The following RIMS3 variants were observed in gnomAD, a reference collection of about 807,000 sequenced individuals.
The protein encoded by RIMS3 is regulating synaptic membrane exocytosis 3, also known as regulating synaptic membrane exocytosis protein 3.
RIMS3 carries 15 observed loss-of-function variants against 29.2 expected under a neutral mutation model. That is an observed-to-expected ratio of 0.51 (90% CI 0.34 to 0.79). The LOEUF is 0.79. Ranked by LOEUF, RIMS3 falls within the 30% of genes least tolerant of loss-of-function variation. RIMS3 has a pLI of 0.01. For missense variants in RIMS3, 342 were observed against 421.4 expected, an observed-to-expected ratio of 0.81 and a Z score of 1.65; for synonymous variants, 161 against 170.1, an observed-to-expected ratio of 0.95 and a Z score of 0.41.
At chr1:40,673,915 T>C in the RIMS3 span, among the ~76,000 whole-genome samples, 1 of 151,716 alleles carries the variant, frequency 6.6e-6, no homozygotes, top group African/African-American at 2.4e-5. Flanking sequence ...TTGTAAAGAT[T>C]AAATGAGAAA....
the RIMS3 span, among the ~76,000 whole-genome samples, chr1:40,679,254 A>G: frequency 6.6e-6 from 1 of 152,354 alleles, no homozygotes; most frequent in East Asian, 1.9e-4. Flanking sequence ...AGCCTCCAGC[A>G]GAAGCAGAGA....
chr1:40,660,378 CTTTTT>C (rs535968581), intron 1 of RIMS3, among the ~76,000 whole-genome samples: 2 of 135,188 alleles, frequency 1.5e-5, no homozygotes, highest in Admixed American at 7.5e-5. Context: ...GTTGGGGCTT[CTTTTT>C]TTTTTTTTTT....
At chr1:40,672,422 TCTC>T in the RIMS3 span, among the ~76,000 whole-genome samples, 1 of 151,794 alleles carries the variant, frequency 6.6e-6, no homozygotes, top group Non-Finnish European at 1.5e-5. Flanking sequence ...ATGGTCTCGA[TCTC>T]CTGACCTCGT....
At chr1:40,683,828 C>T in the RIMS3 span, among the ~76,000 whole-genome samples, 5 of 152,360 alleles carry the variant, frequency 3.3e-5, no homozygotes, top group South Asian at 8.3e-4. Flanking sequence ...GTTCTGTCCT[C>T]TGACCTCTTT....
the RIMS3 span, among the ~76,000 whole-genome samples, chr1:40,674,467 T>C: frequency 1.3e-5 from 2 of 152,186 alleles, no homozygotes; most frequent in Non-Finnish European, 2.9e-5. Flanking sequence ...ATTTAATATA[T>C]TAGCTGCTGT....
intron 1 of RIMS3, among the ~76,000 whole-genome samples, chr1:40,652,771 G>A (rs534696452): frequency 1.3e-5 from 2 of 152,348 alleles, no homozygotes; most frequent in East Asian, 3.9e-4. Context: ...TAGATGTAAT[G>A]CTTTACAGAG....
At chr1:40,637,569 G>A (rs34195255) in intron 3 of RIMS3, among the ~76,000 whole-genome samples, 1 of 152,040 alleles carries the variant, frequency 6.6e-6, no homozygotes. Context: ...AGACATGCAC[G>A]AGCAGCAGCA....
intron 2 of RIMS3, among the ~76,000 whole-genome samples, chr1:40,645,167 G>A (rs1646586397): frequency 1.3e-5 from 2 of 152,186 alleles, no homozygotes; most frequent in African/African-American, 4.8e-5. Flanking sequence ...CCCCTGGACT[G>A]GGGCCTATGA....
intron 1 of RIMS3, among the ~76,000 whole-genome samples, chr1:40,658,817 T>A (rs1382665006): frequency 6.6e-6 from 1 of 152,216 alleles, no homozygotes; most frequent in Non-Finnish European, 1.5e-5. Context: ...TGGTTTTCCT[T>A]CCCCTTAGTT....
At chr1:40,630,343 G>C (rs1174278276) in intron 5 of RIMS3, among the ~76,000 whole-genome samples, 1 of 152,152 alleles carries the variant, frequency 6.6e-6, no homozygotes, top group Non-Finnish European at 1.5e-5. Flanking sequence ...TCTTAGTTTT[G>C]TTCAACATTG....
At chr1:40,688,169 T>C in the RIMS3 span, among the ~76,000 whole-genome samples, 6 of 152,170 alleles carry the variant, frequency 3.9e-5, no homozygotes, top group Admixed American at 3.9e-4. Context: ...TTTACCATGT[T>C]GATCAGGCTG....
chr1:40,672,996 A>G, the RIMS3 span, among the ~76,000 whole-genome samples: 1 of 152,146 alleles, frequency 6.6e-6, no homozygotes, highest in African/African-American at 2.4e-5. Flanking sequence ...TCTGACCAAC[A>G]TGGTGAAAAC....
chr1:40,672,717 G>A, the RIMS3 span, among the ~76,000 whole-genome samples: 1 of 152,028 alleles, frequency 6.6e-6, no homozygotes, highest in South Asian at 2.1e-4. Context: ...AGACCTAGCC[G>A]CCAAACCAGT....
intron 1 of RIMS3, among the ~76,000 whole-genome samples, chr1:40,649,895 A>AC (rs947051125): frequency 2.6e-5 from 4 of 152,042 alleles, no homozygotes; most frequent in African/African-American, 4.8e-5. Context: ...TGGGTTGAGA[A>AC]CCCCAGAGAG....
intron 1 of RIMS3, among the ~76,000 whole-genome samples, chr1:40,652,422 A>G (rs1314929648): frequency 1.3e-5 from 2 of 152,306 alleles, no homozygotes; most frequent in East Asian, 3.9e-4. Context: ...AGGTGAAGAG[A>G]CATTGCTCTG....
chr1:40,627,319 C>A (rs894591042), intron 7 of RIMS3, among the ~76,000 whole-genome samples: 29 of 152,116 alleles, frequency 1.9e-4, no homozygotes, highest in African/African-American at 5.8e-4. Context: ...AGCTCTACCT[C>A]CTGGGTTCAT....
intron 2 of RIMS3, among the ~76,000 whole-genome samples, chr1:40,644,295 C>T (rs1471311480): frequency 4.6e-5 from 7 of 152,236 alleles, no homozygotes; most frequent in Non-Finnish European, 7.3e-5. Context: ...AGCATCCTAC[C>T]TGATGCCAGG....
Position 40,654,321 on chromosome 1 carries a change from C to T in RIMS3, c.-206-6479G>A, listed in dbSNP as rs1488050625. On this transcript the variant is annotated intron_variant, in intron 1 of 7. Coordinates refer to ENST00000372684, the MANE Select transcript of RIMS3 (RefSeq NM_014747.3). The surrounding 1 kb of genome is among the most constrained non-coding windows in gnomAD (Gnocchi z 5.3). Reference sequence around the variant, plus strand: ...TCAGAAACCCAGCACAGGCTCGGCCCCAGGCCAGACAGACACCGCCCAAAG... The same window carrying T: ...TCAGAAACCCAGCACAGGCTCGGCCTCAGGCCAGACAGACACCGCCCAAAG... Among the ~76,000 whole-genome samples, 1 of 152,214 alleles carries T rather than the reference C, an allele frequency of 6.6e-6. No individual in the cohort carries two copies. The highest frequency in any genetic ancestry group is 1.5e-5 in the Non-Finnish European group (1 of 68,032).
At chr1:40,629,064 G>T in intron 6 of RIMS3, 115 bp from the exon 7 acceptor site, 1 of 1,353,842 alleles carries the variant, frequency 7.4e-7, no homozygotes, top group Non-Finnish European at 1.1e-6. Flanking sequence ...GAATGAGCCA[G>T]CCAGTGGACA....
Sources: gnomAD v4.1 joint callset for allele counts (sites outside exome capture counted in the v4.1 genomes callset) on GRCh38, gnomAD v4.1.1 for gene constraint, Gnocchi (gnomAD v3.1) non-coding constraint, MANE v1.5 for transcripts, NCBI Gene and HGNC (gene_info 2026-07-23, HGNC 2026-07-21) for gene names.